PPP2R2B: variants seen among roughly 807,000 people sequenced by gnomAD.
The protein encoded by PPP2R2B is serine/threonine-protein phosphatase 2A 55 kDa regulatory subunit B beta isoform.
A neutral mutation model predicts 46.0 loss-of-function variants in PPP2R2B; 5 were observed. The observed-to-expected ratio is 0.11, with a 90% CI of 0.06 to 0.23. The LOEUF (loss-of-function observed/expected upper bound fraction) is 0.23, where lower values mean the gene tolerates loss of function less well. Ranked by LOEUF, PPP2R2B falls within the 10% of genes least tolerant of loss-of-function variation. PPP2R2B has a pLI of 1.00. For synonymous variants in PPP2R2B, 215 were observed against 206.7 expected, an observed-to-expected ratio of 1.04 and a Z score of -0.34; for missense variants, 367 against 575.0, an observed-to-expected ratio of 0.64 and a Z score of 3.70.
At chr5:146,976,147 A>G (rs1752895916) in intron 1 of PPP2R2B, among the ~76,000 whole-genome samples, 1 of 143,436 alleles carries the variant, frequency 7.0e-6, no homozygotes, top group East Asian at 2.2e-4. Flanking sequence ...TATTATTATT[A>G]TTATTTCTGA....
chr5:146,695,138 A>C (rs6580438), intron 4 of PPP2R2B, among the ~76,000 whole-genome samples: 34,648 of 152,074 alleles, frequency 0.23, 4,862 homozygotes, highest in African/African-American at 0.4. Context: ...TATATTAATA[A>C]AAACCTAGTT....
intron 1 of PPP2R2B, among the ~76,000 whole-genome samples, chr5:146,969,052 G>T (rs1482927084): frequency 6.6e-6 from 1 of 152,238 alleles, no homozygotes; most frequent in Admixed American, 6.5e-5. Flanking sequence ...CCTACCACTG[G>T]TTAGACATAG....
chr5:147,002,849 C>T (rs1754243082), intron 1 of PPP2R2B, among the ~76,000 whole-genome samples: 1 of 151,996 alleles, frequency 6.6e-6, no homozygotes, highest in Non-Finnish European at 1.5e-5. Context: ...GAGAAACAAA[C>T]CAAAACTGCA....
chr5:146,842,063 T>C (rs530669749), intron 2 of PPP2R2B, among the ~76,000 whole-genome samples: 5 of 152,314 alleles, frequency 3.3e-5, no homozygotes, highest in East Asian at 3.9e-4. Flanking sequence ...CACATCACTG[T>C]GAAGCCAAAA....
chr5:146,772,993 A>G (rs1294102602), intron 2 of PPP2R2B, among the ~76,000 whole-genome samples: 1 of 152,220 alleles, frequency 6.6e-6, no homozygotes, highest in Non-Finnish European at 1.5e-5. Flanking sequence ...AGCACTCAAT[A>G]AACATCACAA....
intron 5 of PPP2R2B, among the ~76,000 whole-genome samples, chr5:146,667,478 A>G (rs991616199): frequency 1.3e-5 from 2 of 152,066 alleles, no homozygotes; most frequent in African/African-American, 2.4e-5. Context: ...AGCTTTCAGA[A>G]ATAAGAATGG....
intron 4 of PPP2R2B, among the ~76,000 whole-genome samples, chr5:146,692,809 C>T (rs1014705514): frequency 1.3e-5 from 2 of 152,176 alleles, no homozygotes; most frequent in East Asian, 1.9e-4. Flanking sequence ...GCTGGGATTA[C>T]AGGCGGGAGC....
At chr5:146,707,526 T>A in intron 2 of PPP2R2B, 1 of 729,882 alleles carries the variant, frequency 1.4e-6, no homozygotes, top group Non-Finnish European at 2.5e-6. Flanking sequence ...GGCCCACTCG[T>A]GTAGGAGCAG....
At position 146,745,160 on chromosome 5, in the gene PPP2R2B, CAGAGAGAG is replaced by C. The variant is rs747573157; in HGVS notation, c.71-44026_71-44019del. Among the ~76,000 whole-genome samples, 413 of 95,024 alleles carry C rather than the reference CAGAGAGAG, an allele frequency of 4.3e-3. 1 individual carries two copies. The highest frequency in any genetic ancestry group is 4.7e-3 in the Non-Finnish European group (221 of 47,220). The allele number at this position is 95,024 out of a possible 152,430, so 62.3% of individuals were successfully genotyped here. A position where few individuals can be genotyped will look rare whatever the true frequency, so the allele number is the denominator to read the frequency against. ...CAACTCTAAAACGTGCAGAGAAAGA[CAGAGAGAG>C]AGAGAGAGAGAGAGAGAGAGAGAGA... On this transcript the variant is annotated intron_variant, in intron 2 of 9. Transcript: ENST00000394411.
intron 1 of PPP2R2B, among the ~76,000 whole-genome samples, chr5:147,051,969 C>T (rs1310965431): frequency 6.6e-6 from 1 of 151,646 alleles, no homozygotes; most frequent in Non-Finnish European, 1.5e-5. Context: ...TTTGTTTCTC[C>T]AATTCTGATA....
intron 1 of PPP2R2B, among the ~76,000 whole-genome samples, chr5:147,046,887 T>C (rs970880624): frequency 6.6e-6 from 1 of 152,132 alleles, no homozygotes; most frequent in Non-Finnish European, 1.5e-5. Context: ...TTATGGATTA[T>C]ACTAGAAACT....
intron 1 of PPP2R2B, among the ~76,000 whole-genome samples, chr5:146,979,847 A>G (rs1753085288): frequency 6.6e-6 from 1 of 152,192 alleles, no homozygotes; most frequent in Non-Finnish European, 1.5e-5. Flanking sequence ...GTCTCTCAAA[A>G]TATCTTATTG....
At chr5:146,997,310 A>G (rs981321275) in intron 1 of PPP2R2B, among the ~76,000 whole-genome samples, 7 of 152,146 alleles carry the variant, frequency 4.6e-5, no homozygotes, top group African/African-American at 7.2e-5. Flanking sequence ...GCCACTCTCT[A>G]CTCTGACCCC....
chr5:147,080,216 AGTTT>A (rs953747504), intron 2 of PPP2R2B, among the ~76,000 whole-genome samples: 1 of 152,208 alleles, frequency 6.6e-6, no homozygotes, highest in African/African-American at 2.4e-5. Context: ...TATGCATGTT[AGTTT>A]GAGTATAGTG....
chr5:146,623,282 A>G (rs1561781199), intron 7 of PPP2R2B, among the ~76,000 whole-genome samples: 1 of 152,400 alleles, frequency 6.6e-6, no homozygotes, highest in East Asian at 1.9e-4. Flanking sequence ...TCAACTGTCT[A>G]AAACAATATT....
At chr5:146,726,265 T>G (rs1037452545) in intron 2 of PPP2R2B, among the ~76,000 whole-genome samples, 1 of 151,866 alleles carries the variant, frequency 6.6e-6, no homozygotes, top group African/African-American at 2.4e-5. Flanking sequence ...ACTAGGATTT[T>G]GGCCAATTTA....
At chr5:146,845,623 CT>C (rs532005258) in intron 2 of PPP2R2B, among the ~76,000 whole-genome samples, 129 of 152,316 alleles carry the variant, frequency 8.5e-4, no homozygotes, top group Middle Eastern at 3.4e-3. Flanking sequence ...AGAACAGACA[CT>C]GTGCGTGGTC....
At position 146,804,833 on chromosome 5, in the gene PPP2R2B, C is replaced by T. The variant is rs184602830; in HGVS notation, c.70+73169G>A. 1.0e-3 allele frequency among the ~76,000 whole-genome samples: 156 copies of T among 152,260 alleles called. No individual in the cohort carries two copies. In the East Asian group the frequency reaches 0.016, roughly 16 times the overall value. ...GGAGAAGCATATGTTTAATGCTTCACACTCCATGATGAGTCCTGGAGAAGA... is the reference window on the plus strand; with the variant it reads ...GGAGAAGCATATGTTTAATGCTTCATACTCCATGATGAGTCCTGGAGAAGA... On this transcript the variant is annotated intron_variant, in intron 2 of 9. Coordinates refer to ENST00000394411, the MANE Select transcript of PPP2R2B (RefSeq NM_181675.4).
intron 2 of PPP2R2B, among the ~76,000 whole-genome samples, chr5:146,752,417 G>A (rs977450299): frequency 3.9e-5 from 6 of 152,070 alleles, no homozygotes; most frequent in South Asian, 4.1e-4. Context: ...TCCTATCAGT[G>A]CTGCTCATTT....
Sources: allele counts gnomAD v4.1 joint callset (sites outside exome capture counted in the v4.1 genomes callset), GRCh38; gene constraint gnomAD v4.1.1; transcripts MANE v1.5; gene names NCBI Gene and HGNC (gene_info 2026-07-23, HGNC 2026-07-21).